The following RGS7 variants were observed in gnomAD, a reference collection of about 807,000 sequenced individuals.
RGS7 encodes regulator of G protein signaling 7.
Under a neutral mutation model 81.1 loss-of-function variants are expected in RGS7, and 27 were observed. That is an observed-to-expected ratio of 0.33 (90% CI 0.25 to 0.46). The LOEUF is 0.46. Ranked by LOEUF, RGS7 falls within the 20% of genes least tolerant of loss-of-function variation. The pLI is 1.00. For missense variants in RGS7, 396 were observed against 607.4 expected (o/e 0.65, Z 3.66); for synonymous variants, 208 against 207.7 (o/e 1.00, Z -0.01).
At chr1:241,013,033 T>C in intron 3 of RGS7, among the ~76,000 whole-genome samples, 1 of 147,640 alleles carries the variant, frequency 6.8e-6, no homozygotes, top group Non-Finnish European at 1.5e-5. Flanking sequence ...GGTATAAAAA[T>C]GTCAGCCATC....
At chr1:240,824,371 A>G (rs1692384949) in intron 10 of RGS7, among the ~76,000 whole-genome samples, 1 of 152,242 alleles carries the variant, frequency 6.6e-6, no homozygotes, top group Admixed American at 6.5e-5. Flanking sequence ...AAGTTTAAGC[A>G]TGTTCCATAG....
At chr1:241,006,803 A>T (rs1320518409) in intron 3 of RGS7, among the ~76,000 whole-genome samples, 1 of 152,120 alleles carries the variant, frequency 6.6e-6, no homozygotes, top group East Asian at 1.9e-4. Context: ...AGCAAGACCA[A>T]CCCCTCCTCT....
intron 2 of RGS7, among the ~76,000 whole-genome samples, chr1:241,230,656 T>C (rs1408518538): frequency 2.0e-5 from 3 of 152,198 alleles, no homozygotes; most frequent in African/African-American, 7.2e-5. Flanking sequence ...GCCTGAGCAT[T>C]TTCTGAATCA....
At chr1:240,908,196 C>A (rs954234289) in intron 6 of RGS7, among the ~76,000 whole-genome samples, 3 of 82,574 alleles carry the variant, frequency 3.6e-5, no homozygotes, top group Admixed American at 1.8e-4. Flanking sequence ...CGGGGCCTGT[C>A]GTGGGGTGGG....
At chr1:240,935,048 C>A (rs1676383698) in intron 5 of RGS7, among the ~76,000 whole-genome samples, 1 of 145,966 alleles carries the variant, frequency 6.9e-6, no homozygotes, top group African/African-American at 2.5e-5. Flanking sequence ...GCCACAACAC[C>A]CAGCTAATTT....
rs145929503 is a variant in RGS7, at chr1:240,860,761, A to G, written c.609+7826T>C. Among the ~76,000 whole-genome samples the G allele has an allele frequency of 2.0e-5, 3 of 152,312 alleles. No homozygotes were observed. In the East Asian group the frequency reaches 5.8e-4, roughly 29 times the overall value. On this transcript the variant is annotated intron_variant, in intron 9 of 18. Coordinates refer to ENST00000440928, the MANE Select transcript of RGS7 (RefSeq NM_001364886.1). ...CCTTCCTCTAACAAACTGACCTTGTATCAGGGTTTAACTATTACCTTTAGC... is the reference window on the plus strand; with the variant it reads ...CCTTCCTCTAACAAACTGACCTTGTGTCAGGGTTTAACTATTACCTTTAGC...
At chr1:240,817,689 G>A (rs944039841) in intron 10 of RGS7, among the ~76,000 whole-genome samples, 28 of 152,160 alleles carry the variant, frequency 1.8e-4, no homozygotes, top group Non-Finnish European at 3.7e-4. Flanking sequence ...CGCAACCTCC[G>A]TCTCCTGGGT....
chr1:241,207,361 G>T (rs999760638), intron 2 of RGS7, among the ~76,000 whole-genome samples: 2 of 92,640 alleles, frequency 2.2e-5, no homozygotes, highest in African/African-American at 6.7e-5. Flanking sequence ...ATATATATAT[G>T]CGTAAATATA....
intron 2 of RGS7, among the ~76,000 whole-genome samples, chr1:241,198,492 T>C (rs1193853144): frequency 6.6e-6 from 1 of 151,966 alleles, no homozygotes; most frequent in Non-Finnish European, 1.5e-5. Context: ...TAATGAACAA[T>C]GAGATTATTA....
intron 2 of RGS7, among the ~76,000 whole-genome samples, chr1:241,099,049 T>C (rs1470206512): frequency 6.6e-6 from 1 of 152,208 alleles, no homozygotes; most frequent in Non-Finnish European, 1.5e-5. Flanking sequence ...AAGGTTAAGA[T>C]CAAAGAGTGT....
At chr1:241,302,887 T>TTTCC (rs1283072985) in intron 2 of RGS7, among the ~76,000 whole-genome samples, 61 of 152,152 alleles carry the variant, frequency 4.0e-4, no homozygotes, top group African/African-American at 1.4e-3. Context: ...TCTTTCTTTC[T>TTTCC]TTTTTAACAC....
intron 2 of RGS7, among the ~76,000 whole-genome samples, chr1:241,201,314 T>C (rs1432920673): frequency 1.3e-5 from 2 of 152,186 alleles, no homozygotes; most frequent in Admixed American, 6.5e-5. Context: ...TTCCTAAAGG[T>C]GTGTCAGATC....
At chr1:241,110,346 C>T (rs1049155028) in intron 2 of RGS7, among the ~76,000 whole-genome samples, 6 of 152,100 alleles carry the variant, frequency 3.9e-5, no homozygotes, top group South Asian at 2.1e-4. Flanking sequence ...TTTTAATTGA[C>T]GCAGGTGCTT....
intron 3 of RGS7, among the ~76,000 whole-genome samples, chr1:241,033,337 C>T (rs866092046): frequency 6.6e-5 from 10 of 151,976 alleles, no homozygotes; most frequent in South Asian, 6.2e-4. Flanking sequence ...GGTGACAGAG[C>T]GAGAGTCCAT....
At chr1:241,189,770 T>C (rs2072446579) in intron 2 of RGS7, among the ~76,000 whole-genome samples, 1 of 152,196 alleles carries the variant, frequency 6.6e-6, no homozygotes, top group Non-Finnish European at 1.5e-5. Flanking sequence ...GTATCATTTG[T>C]TGAAAGGTGA....
chr1:240,944,030 A>G (rs1678052971), intron 4 of RGS7, among the ~76,000 whole-genome samples: 1 of 152,056 alleles, frequency 6.6e-6, no homozygotes, highest in Non-Finnish European at 1.5e-5. Context: ...TCTTTTTTAC[A>G]CACACAGAGT....
At chr1:241,036,127 T>C (rs2060313590) in intron 3 of RGS7, among the ~76,000 whole-genome samples, 1 of 152,206 alleles carries the variant, frequency 6.6e-6, no homozygotes. Flanking sequence ...TACAATATTT[T>C]TAAGATTGAC....
chr1:241,036,734 C>G (rs1245451271), intron 3 of RGS7, among the ~76,000 whole-genome samples: 1 of 152,204 alleles, frequency 6.6e-6, no homozygotes, highest in Non-Finnish European at 1.5e-5. Flanking sequence ...CTAGCTGAAA[C>G]TATCTTCTTG....
At chr1:241,089,063 C>CTCTCTATATATATATATATATA (rs1374552672) in intron 3 of RGS7, among the ~76,000 whole-genome samples, 2 of 23,686 alleles carry the variant, frequency 8.4e-5, no homozygotes, top group African/African-American at 4.6e-4. Context: ...CTCTCTCTCT[C>CTCTCTATATATATATATATATA]TATATATATA....
Sources: gnomAD v4.1 joint callset for allele counts (sites outside exome capture counted in the v4.1 genomes callset) on GRCh38, gnomAD v4.1.1 for gene constraint, MANE v1.5 for transcripts, NCBI Gene and HGNC (gene_info 2026-07-23, HGNC 2026-07-21) for gene names.